Variants in CDS2 observed in about 807,000 individuals in gnomAD.
CDS2 encodes the protein phosphatidate cytidylyltransferase 2.
A neutral mutation model predicts 59.0 loss-of-function variants in CDS2; 47 were observed. The observed-to-expected ratio is 0.80, with a 90% confidence interval of 0.63 to 1.02. CDS2 has a LOEUF of 1.02. Ranked by LOEUF, CDS2 falls within the 50% of genes least tolerant of loss-of-function variation. The pLI is 0.00. For missense variants in CDS2, 356 were observed against 558.9 expected (o/e 0.64, Z 3.66); for synonymous variants, 207 against 206.4 (o/e 1.00, Z -0.02).
intron 1 of CDS2, among the ~76,000 whole-genome samples, chr20:5,156,572 T>G (rs1427971306): frequency 1.3e-5 from 2 of 152,100 alleles, no homozygotes; most frequent in Non-Finnish European, 2.9e-5. Flanking sequence ...GAGGAAGAAC[T>G]GAGAAGATGT....
At chr20:5,163,157 A>C (rs1437903915) in intron 1 of CDS2, among the ~76,000 whole-genome samples, 1 of 152,216 alleles carries the variant, frequency 6.6e-6, no homozygotes, top group African/African-American at 2.4e-5. Flanking sequence ...CAGCCTGGGC[A>C]ATGTAGAGAG....
At chr20:5,167,868 T>G (rs1020461576) in intron 1 of CDS2, among the ~76,000 whole-genome samples, 3 of 152,222 alleles carry the variant, frequency 2.0e-5, no homozygotes, top group Non-Finnish European at 4.4e-5. Flanking sequence ...ATGAAGTTAG[T>G]CAGTGAAACT....
At chr20:5,145,236 A>AACCCCCCCCC (rs2090731130) in intron 1 of CDS2, among the ~76,000 whole-genome samples, 1 of 51,968 alleles carries the variant, frequency 1.9e-5, no homozygotes, top group Non-Finnish European at 3.8e-5. Context: ...GAAAGGAAAG[A>AACCCCCCCCC]CCCCCCCCCC....
chr20:5,130,151 T>G (rs2090592416), intron 1 of CDS2, among the ~76,000 whole-genome samples: 1 of 152,030 alleles, frequency 6.6e-6, no homozygotes, highest in African/African-American at 2.4e-5. Flanking sequence ...TTTTTTGTGT[T>G]TTTAGTAGAG....
chr20:5,136,407 G>A (rs1313324966), intron 1 of CDS2, among the ~76,000 whole-genome samples: 3 of 152,118 alleles, frequency 2.0e-5, no homozygotes, highest in African/African-American at 4.8e-5. Context: ...GGTGTGACTT[G>A]GAATCCTTAT....
intron 4 of CDS2, 114 bp from the exon 5 acceptor site, chr20:5,178,703 G>C: frequency 4.9e-6 from 5 of 1,017,576 alleles, no homozygotes; most frequent in Non-Finnish European, 7.5e-6. Context: ...TGTCCCGGGG[G>C]ACTCAAGGGT....
rs919424470 is a variant in CDS2, at chr20:5,190,874, G to A, written c.*640G>A. The A allele has an allele frequency of 6.6e-6, 1 of 152,490 alleles. No individual in the cohort carries two copies. Among genetic ancestry groups the A allele is most frequent in the African/African-American group, 2.4e-5 (1 of 41,408 alleles). The allele number at this position is 152,490 out of a possible 1,614,324, so 9.4% of individuals were successfully genotyped here. On this transcript the variant is annotated 3_prime_UTR_variant, in exon 13 of 13. Transcript: ENST00000460006. The stretch of plus-strand genomic sequence containing the variant: ...TTTCAGTTTTTATTTTTTTCAGAAA[G>A]CACGAAAAATTATTTATAATAGTCT...
intron 1 of CDS2, among the ~76,000 whole-genome samples, chr20:5,171,920 A>G (rs747620213): frequency 2.5e-4 from 38 of 152,250 alleles, no homozygotes; most frequent in South Asian, 2.1e-4. Context: ...GGCCTTTACC[A>G]AAGCCAGCTG....
intron 1 of CDS2, among the ~76,000 whole-genome samples, chr20:5,139,876 G>A (rs2090680031): frequency 6.7e-6 from 1 of 149,452 alleles, no homozygotes; most frequent in Non-Finnish European, 1.5e-5. Flanking sequence ...TCAGCTCGCT[G>A]CAACCTCCAC....
chr20:5,179,854 CTGA>C (rs1217273297), intron 5 of CDS2, among the ~76,000 whole-genome samples: 1 of 152,178 alleles, frequency 6.6e-6, no homozygotes, highest in Non-Finnish European at 1.5e-5. Context: ...TCTAATAATG[CTGA>C]TGGTTTTTCA....
In CDS2 at chr20:5,197,663, A is replaced by T. The variant is rs1218861051; in HGVS notation, c.*7429A>T. Reference sequence around the variant, plus strand: ...GTGACAGTCCCCACAGCCTCCCCAGATAGCTGTGTGCCTGTGCGCTACTGC... The same window carrying T: ...GTGACAGTCCCCACAGCCTCCCCAGTTAGCTGTGTGCCTGTGCGCTACTGC... On this transcript the variant is annotated 3_prime_UTR_variant, in exon 13 of 13. Transcript: ENST00000460006. The T allele has an allele frequency of 2.0e-5, 3 of 151,866 alleles. No individual in the cohort carries two copies. Among genetic ancestry groups the T allele is most frequent in the Non-Finnish European group, 4.4e-5 (3 of 67,958 alleles). 9.4% of individuals were successfully genotyped at this position (151,866 alleles called of 1,614,324 possible).
intron 1 of CDS2, among the ~76,000 whole-genome samples, chr20:5,130,999 A>C (rs1568525355): frequency 6.6e-6 from 1 of 151,680 alleles, no homozygotes; most frequent in Admixed American, 6.6e-5. Flanking sequence ...GCTGAGAGGC[A>C]GGAGAATGGC....
chr20:5,189,890 A>C (rs1360428277), intron 12 of CDS2, 52 bp downstream of exon 12: 2 of 1,470,834 alleles, frequency 1.4e-6, no homozygotes, highest in Non-Finnish European at 1.9e-6. Context: ...AGTACGGTGC[A>C]ATTCTAGAAT....
At chr20:5,140,916 A>G (rs2090688260) in intron 1 of CDS2, among the ~76,000 whole-genome samples, 1 of 152,224 alleles carries the variant, frequency 6.6e-6, no homozygotes, top group Non-Finnish European at 1.5e-5. Flanking sequence ...GCTTTAGTAA[A>G]TAAGTGTGTG....
Position 5,127,124 on chromosome 20 carries a change from A to G in CDS2, c.32A>G (p.Glu11Gly). Residue 11 changes from glutamate (E) to glycine (G), a missense_variant, in exon 1 of 13, where the codon GAG becomes GGG. Physicochemically the swap from Glu to Gly is moderately conservative, Grantham distance 98. Around this residue, in one of 5 missense-constraint regions of CDS2, gnomAD observed 107 missense variants for 129.7 expected, o/e 0.82. Coordinates refer to ENST00000460006, the MANE Select transcript of CDS2 (RefSeq NM_003818.4). ...GAGCTGAGGCAGAGGGTGGCCCATG[A>G]GCCGGTTGCGCCACCCGAGGACAAG... Reference protein sequence around the residue: MTELRQRVAHEPVAPPEDKES... With the variant: MTELRQRVAHGPVAPPEDKES... The G allele has an allele frequency of 6.7e-7, 1 of 1,496,928 alleles. No homozygotes were observed. The highest frequency in any genetic ancestry group is 8.9e-7 in the Non-Finnish European group (1 of 1,122,318). The allele number at this position is 1,496,928 out of a possible 1,614,324, so 92.7% of individuals were successfully genotyped here. A position where few individuals can be genotyped will look rare whatever the true frequency, so the allele number is the denominator to read the frequency against.
At chr20:5,142,025 A>C (rs1485190389) in intron 1 of CDS2, among the ~76,000 whole-genome samples, 4 of 152,244 alleles carry the variant, frequency 2.6e-5, no homozygotes, top group African/African-American at 9.6e-5. Flanking sequence ...CATATAGATT[A>C]AAAGACTTTA....
chr20:5,172,919 C>G (rs558626759), intron 1 of CDS2, among the ~76,000 whole-genome samples: 29 of 152,238 alleles, frequency 1.9e-4, no homozygotes, highest in African/African-American at 6.0e-4. Flanking sequence ...TCCTGTGGGT[C>G]TTTTGTCACC....
intron 1 of CDS2, among the ~76,000 whole-genome samples, chr20:5,168,137 G>A (rs2090925939): frequency 6.6e-6 from 1 of 152,102 alleles, no homozygotes; most frequent in Non-Finnish European, 1.5e-5. Flanking sequence ...GTATGGAGCT[G>A]GGTACGGTAG....
In CDS2 at chr20:5,191,428, C is replaced by A. The variant is rs941205271; in HGVS notation, c.*1194C>A. 6.6e-6 allele frequency: 1 copy of A among 152,046 alleles called. No homozygotes were observed. The highest frequency in any genetic ancestry group is 1.5e-5 in the Non-Finnish European group (1 of 68,006). The allele number at this position is 152,046 out of a possible 1,614,324, so 9.4% of individuals were successfully genotyped here. ...CTTAAACTGTGATTTTTTTTCCCCT[C>A]CCTAATTTCAGGGGTGAGATTGACT... On this transcript the variant is annotated 3_prime_UTR_variant, in exon 13 of 13. Coordinates refer to ENST00000460006, the MANE Select transcript of CDS2 (RefSeq NM_003818.4).
Sources: gnomAD v4.1 joint callset for allele counts (sites outside exome capture counted in the v4.1 genomes callset) on GRCh38, gnomAD v4.1.1 for gene constraint, gnomAD v4.1.1 regional missense constraint, MANE v1.5 for transcripts, NCBI Gene and HGNC (gene_info 2026-07-23, HGNC 2026-07-21) for gene names.